C9orf153: variants seen among roughly 807,000 people sequenced by gnomAD.
C9orf153 encodes chromosome 9 open reading frame 153.
A neutral mutation model predicts 9.0 loss-of-function variants in C9orf153; 10 were observed. The ratio of observed to expected loss-of-function variants is 1.11; its 90% CI spans 0.69 to 1.89. C9orf153 has a LOEUF of 1.89. Among genes scored for constraint, C9orf153 ranks in the 40% most tolerant of loss-of-function variants. C9orf153 has a pLI of 0.00. For missense variants in C9orf153, 108 were observed against 111.0 expected (o/e 0.97, Z 0.12); for synonymous variants, 35 against 37.3 (o/e 0.94, Z 0.23).
At chr9:86,227,331 AT>A in intron 3 of C9orf153, 1 of 1,482,572 alleles carries the variant, frequency 6.7e-7, no homozygotes, top group Non-Finnish European at 8.9e-7. Context: ...TTATTTATTT[AT>A]TTATTTATTT....
intron 1 of C9orf153, chr9:86,258,590 A>G (rs1825177620): frequency 6.6e-6 from 1 of 152,196 alleles, no homozygotes; most frequent in Non-Finnish European, 1.5e-5. Flanking sequence ...GATCAGACAA[A>G]TTAACCCTGG....
intron 1 of C9orf153, among the ~76,000 whole-genome samples, chr9:86,254,336 A>G (rs1049627923): frequency 2.6e-5 from 4 of 152,198 alleles, no homozygotes; most frequent in Admixed American, 1.3e-4. Context: ...TCAGATTTGC[A>G]TCTCATTTTG....
At chr9:86,235,981 G>A (rs970450675) in intron 1 of C9orf153, among the ~76,000 whole-genome samples, 1 of 151,820 alleles carries the variant, frequency 6.6e-6, no homozygotes, top group Non-Finnish European at 1.5e-5. Flanking sequence ...CATCAAATAG[G>A]TTAAATGCAT....
chr9:86,221,585 A>G lies in C9orf153; in HGVS notation c.*103T>C. ...AAGACTTGCGAACTATAGGGGGGAA[A>G]ATAACGTCAGGCATGTCCTGGCTCT... On this transcript the variant is annotated 3_prime_UTR_variant, in exon 4 of 4. Coordinates refer to ENST00000339137, the MANE Select transcript of C9orf153 (RefSeq NM_001276366.4). 3 of 1,427,508 alleles carry G rather than the reference A, an allele frequency of 2.1e-6. No homozygotes were observed. Among genetic ancestry groups the G allele is most frequent in the Non-Finnish European group, 2.8e-6 (3 of 1,088,058 alleles). 88.4% of individuals were successfully genotyped at this position (1,427,508 alleles called of 1,614,324 possible). A position where few individuals can be genotyped will look rare whatever the true frequency, so the allele number is the denominator to read the frequency against.
chr9:86,252,585 A>G (rs1390233613), intron 1 of C9orf153, among the ~76,000 whole-genome samples: 1 of 152,202 alleles, frequency 6.6e-6, no homozygotes, highest in Non-Finnish European at 1.5e-5. Flanking sequence ...GGCCCCTGGA[A>G]GTCCAGGATT....
At chr9:86,259,071 C>T (rs1285594514) in intron 1 of C9orf153, among the ~76,000 whole-genome samples, 8 of 151,734 alleles carry the variant, frequency 5.3e-5, no homozygotes, top group Non-Finnish European at 1.0e-4. Context: ...ATTCTGTCAC[C>T]CCAGCTGGAG....
chr9:86,249,090 T>C (rs755783545), intron 1 of C9orf153, among the ~76,000 whole-genome samples: 6 of 152,244 alleles, frequency 3.9e-5, no homozygotes, highest in Non-Finnish European at 7.3e-5. Flanking sequence ...TATTTACAGA[T>C]TTCAATCCAT....
chr9:86,245,536 T>G (rs190541355), intron 1 of C9orf153, among the ~76,000 whole-genome samples: 1 of 152,302 alleles, frequency 6.6e-6, no homozygotes, highest in African/African-American at 2.4e-5. Flanking sequence ...TTATTTCACT[T>G]AGCATGATGT....
Position 86,254,779 on chromosome 9 carries a change from G to A in C9orf153, c.-27+4771C>T, listed in dbSNP as rs147080545. ...ATTTTCAGAACTAAGAGACTTGGCC[G>A]GGCACAGTGGCTCACACCTGTAATC... On this transcript the variant is annotated intron_variant, in intron 1 of 3. Transcript: ENST00000339137. 4.3e-3 allele frequency among the ~76,000 whole-genome samples: 648 copies of A among 152,238 alleles called. 9 individuals are homozygous for A. Among genetic ancestry groups the A allele is most frequent in the African/African-American group, 0.015 (613 of 41,538 alleles).
At chr9:86,253,548 T>C (rs1825040140) in intron 1 of C9orf153, among the ~76,000 whole-genome samples, 4 of 152,202 alleles carry the variant, frequency 2.6e-5, no homozygotes, top group Admixed American at 2.0e-4. Flanking sequence ...AAGCCAACTT[T>C]AAAAGAGCCC....
chr9:86,227,335 A>T, intron 3 of C9orf153: 1 of 1,502,758 alleles, frequency 6.7e-7, no homozygotes, highest in Non-Finnish European at 8.9e-7. Context: ...TTATTTATTT[A>T]TTTATTTATT....
chr9:86,251,192 T>C (rs1009413958), intron 1 of C9orf153, among the ~76,000 whole-genome samples: 1 of 152,226 alleles, frequency 6.6e-6, no homozygotes, highest in Non-Finnish European at 1.5e-5. Context: ...ATCTAGATGA[T>C]ATCCAAATAT....
chr9:86,228,896 T>C, intron 2 of C9orf153: 1 of 234,602 alleles, frequency 4.3e-6, no homozygotes, highest in Non-Finnish European at 9.0e-6. Flanking sequence ...GCTACACAAG[T>C]GGTCCAGACC....
chr9:86,226,330 T>C (rs1026093999), intron 3 of C9orf153, among the ~76,000 whole-genome samples: 3 of 152,136 alleles, frequency 2.0e-5, no homozygotes, highest in Non-Finnish European at 4.4e-5. Flanking sequence ...TACTTTTTTT[T>C]TTCTTCTTTG....
intron 3 of C9orf153, chr9:86,227,612 A>T: frequency 1.0e-6 from 1 of 985,404 alleles, no homozygotes; most frequent in Non-Finnish European, 1.2e-6. Context: ...GGCACTGGAA[A>T]TGCCTAAGCT....
At chr9:86,236,881 G>A (rs1194702560) in intron 1 of C9orf153, among the ~76,000 whole-genome samples, 1 of 150,268 alleles carries the variant, frequency 6.7e-6, no homozygotes, top group African/African-American at 2.4e-5. Flanking sequence ...CAGGAGGATC[G>A]TTTGAACCTA....
Position 86,240,325 on chromosome 9 carries a change from T to C in C9orf153, c.-26-10696A>G, listed in dbSNP as rs1442949824. Among the ~76,000 whole-genome samples, 3 of 152,118 alleles carry C rather than the reference T, an allele frequency of 2.0e-5. No homozygotes were observed. In the East Asian group the frequency reaches 5.8e-4, roughly 29 times the overall value. The stretch of plus-strand genomic sequence containing the variant: ...TATATTATGCTATAGTGGATAAATA[T>C]GATCTTGCCGCACATGCATTTCAGT... On this transcript the variant is annotated intron_variant, in intron 1 of 3. Coordinates refer to ENST00000339137, the MANE Select transcript of C9orf153 (RefSeq NM_001276366.4).
chr9:86,234,191 G>A (rs2084341916), intron 1 of C9orf153, among the ~76,000 whole-genome samples: 1 of 152,090 alleles, frequency 6.6e-6, no homozygotes, highest in African/African-American at 2.4e-5. Flanking sequence ...AATCTTCTGC[G>A]CTTCTGTGCA....
chr9:86,250,176 G>C (rs1297318386), intron 1 of C9orf153, among the ~76,000 whole-genome samples: 1 of 152,200 alleles, frequency 6.6e-6, no homozygotes, highest in Non-Finnish European at 1.5e-5. Context: ...TGTGTTGACA[G>C]ACTTAATGTT....
Sources: gnomAD v4.1 joint callset for allele counts (sites outside exome capture counted in the v4.1 genomes callset) on GRCh38, gnomAD v4.1.1 for gene constraint, MANE v1.5 for transcripts, NCBI Gene and HGNC (gene_info 2026-07-23, HGNC 2026-07-21) for gene names.